Variants in ICA1L observed in about 807,000 individuals in gnomAD.
ICA1L encodes the protein islet cell autoantigen 1-like protein.
A neutral mutation model predicts 61.3 loss-of-function variants in ICA1L; 50 were observed. The ratio of observed to expected loss-of-function variants is 0.82; its 90% CI spans 0.65 to 1.03. The LOEUF (loss-of-function observed/expected upper bound fraction) is 1.03. Among genes scored for constraint, ICA1L ranks in the 50% least tolerant of loss-of-function variants. ICA1L has a pLI of 0.00. For synonymous variants in ICA1L, 161 were observed against 191.3 expected, an observed-to-expected ratio of 0.84 and a Z score of 1.31; for missense variants, 508 against 556.7, an observed-to-expected ratio of 0.91 and a Z score of 0.88.
rs537505047 is a variant in ICA1L at position 202,835,331 on chromosome 2, G to A, written c.-7-6315C>T. ...AACAATTCTCCTGCCTCAGTCTCCT[G>A]AGTAGCTGGGATTACAGGTGCATGC... On this transcript the variant is annotated intron_variant, in intron 1 of 12. Transcript: ENST00000358299. Among the ~76,000 whole-genome samples, 7 of 148,716 alleles carry A rather than the reference G, an allele frequency of 4.7e-5. No individual in the cohort carries two copies. The South Asian group carries it at 1.5e-3, about 31-fold the overall frequency.
chr2:202,813,073 A>G (rs1263688336), intron 8 of ICA1L, among the ~76,000 whole-genome samples: 1 of 152,088 alleles, frequency 6.6e-6, no homozygotes, highest in Non-Finnish European at 1.5e-5. Flanking sequence ...AGCCTGGCCA[A>G]CATAGTGAAA....
At chr2:202,826,321 AGAAAT>A (rs1186640981) in intron 2 of ICA1L, among the ~76,000 whole-genome samples, 1 of 152,202 alleles carries the variant, frequency 6.6e-6, no homozygotes, top group Non-Finnish European at 1.5e-5. Flanking sequence ...CTAACAGAAA[AGAAAT>A]AAAATATCCA....
intron 1 of ICA1L, among the ~76,000 whole-genome samples, chr2:202,833,662 C>T (rs1694071486): frequency 6.6e-6 from 1 of 152,084 alleles, no homozygotes; most frequent in African/African-American, 2.4e-5. Context: ...TGAGAGACTA[C>T]CTGATCAGAT....
chr2:202,797,935 T>G (rs1574334747), intron 9 of ICA1L, among the ~76,000 whole-genome samples: 1 of 152,060 alleles, frequency 6.6e-6, no homozygotes, highest in Non-Finnish European at 1.5e-5. Flanking sequence ...CCTTTGGCCA[T>G]CCCCCCAGTT....
Position 202,819,910 on chromosome 2 carries a change from A to G in ICA1L, c.360-11T>C, listed in dbSNP as rs1418614422. 6.2e-7 allele frequency: 1 copy of G among 1,608,318 alleles called. No homozygotes were observed. Among genetic ancestry groups the G allele is most frequent in the South Asian group, 1.1e-5 (1 of 90,766 alleles). The stretch of plus-strand genomic sequence containing the variant: ...GTACACAGGGCCAATCTAATGGCAG[A>G]GAGGTAAAAATCAGAGGGTTGAACA... On this transcript the variant is annotated splice_polypyrimidine_tract_variant and intron_variant, in intron 4 of 12. Coordinates refer to ENST00000358299, the MANE Select transcript of ICA1L (RefSeq NM_001288622.3).
At chr2:202,853,471 G>C (rs889572006) in intron 1 of ICA1L, among the ~76,000 whole-genome samples, 5 of 151,828 alleles carry the variant, frequency 3.3e-5, no homozygotes, top group African/African-American at 4.8e-5. Flanking sequence ...GTCTAAAACA[G>C]CAAAAGCAAT....
intron 12 of ICA1L, among the ~76,000 whole-genome samples, chr2:202,785,669 C>T (rs183102591): frequency 2.6e-4 from 39 of 152,154 alleles, no homozygotes; most frequent in Admixed American, 1.2e-3. Context: ...TTGGGCAGTC[C>T]GCCTGCCTAG....
At chr2:202,843,905 A>G (rs1309492242) in intron 1 of ICA1L, among the ~76,000 whole-genome samples, 1 of 152,208 alleles carries the variant, frequency 6.6e-6, no homozygotes, top group East Asian at 1.9e-4. Flanking sequence ...AACATTTCCA[A>G]CTTCCCAGAA....
At chr2:202,789,774 T>C (rs922190125) in intron 10 of ICA1L, among the ~76,000 whole-genome samples, 3 of 152,226 alleles carry the variant, frequency 2.0e-5, no homozygotes, top group Non-Finnish European at 2.9e-5. Context: ...TCATAATCCA[T>C]GGTGTTAAGT....
chr2:202,855,046 C>T (rs1274948117), intron 1 of ICA1L, among the ~76,000 whole-genome samples: 1 of 152,142 alleles, frequency 6.6e-6, no homozygotes, highest in African/African-American at 2.4e-5. Context: ...TCCTGAACGA[C>T]TACTGGGCAA....
At chr2:202,853,035 T>C (rs139947296) in intron 1 of ICA1L, among the ~76,000 whole-genome samples, 2,898 of 151,982 alleles carry the variant, frequency 0.019, 42 homozygotes, top group Middle Eastern at 0.044. Context: ...TCCTTACACC[T>C]TATACAAAAA....
At chr2:202,837,575 C>G (rs1413285707) in intron 1 of ICA1L, among the ~76,000 whole-genome samples, 1 of 152,016 alleles carries the variant, frequency 6.6e-6, no homozygotes, top group African/African-American at 2.4e-5. Flanking sequence ...CCGGCCTTCT[C>G]TTTTCAAAAC....
chr2:202,854,934 G>A (rs972290959), intron 1 of ICA1L, among the ~76,000 whole-genome samples: 1 of 152,076 alleles, frequency 6.6e-6, no homozygotes, highest in African/African-American at 2.4e-5. Context: ...GCTGCGGCAG[G>A]AGAATTCCCT....
At chr2:202,868,692 C>A (rs929780934) in intron 1 of ICA1L, among the ~76,000 whole-genome samples, 1 of 152,122 alleles carries the variant, frequency 6.6e-6, no homozygotes, top group Admixed American at 6.6e-5. Context: ...TAAGGCCGGG[C>A]GCGGTGGCTC....
intron 8 of ICA1L, among the ~76,000 whole-genome samples, chr2:202,814,280 T>A (rs1036293838): frequency 6.6e-6 from 1 of 152,138 alleles, no homozygotes; most frequent in Non-Finnish European, 1.5e-5. Context: ...TTTTTCATGG[T>A]AATGAGTGAG....
At chr2:202,861,388 G>A (rs1269259633) in intron 1 of ICA1L, among the ~76,000 whole-genome samples, 1 of 99,440 alleles carries the variant, frequency 1.0e-5, no homozygotes, top group African/African-American at 3.8e-5. Flanking sequence ...CTGGGTACAC[G>A]GCGAGACTAT....
chr2:202,787,753 G>A (rs558181696), intron 11 of ICA1L, among the ~76,000 whole-genome samples: 1 of 152,254 alleles, frequency 6.6e-6, no homozygotes, highest in Admixed American at 6.5e-5. Flanking sequence ...CCCCGTCCAG[G>A]GGTTAAAATC....
chr2:202,788,539 G>C (rs1574326323), intron 11 of ICA1L, among the ~76,000 whole-genome samples: 1 of 152,100 alleles, frequency 6.6e-6, no homozygotes, highest in South Asian at 2.1e-4. Context: ...GACTGCCCTA[G>C]GTAGGAGTAA....
intron 1 of ICA1L, among the ~76,000 whole-genome samples, chr2:202,857,670 T>A (rs907054347): frequency 2.6e-5 from 4 of 151,960 alleles, no homozygotes; most frequent in African/African-American, 9.7e-5. Context: ...AAAGAAACTA[T>A]CATCAAAGTG....
Sources: allele counts gnomAD v4.1 joint callset (sites outside exome capture counted in the v4.1 genomes callset), GRCh38; gene constraint gnomAD v4.1.1; transcripts MANE v1.5; gene names NCBI Gene and HGNC (gene_info 2026-07-23, HGNC 2026-07-21).